Variants in SPAG16 observed in about 807,000 individuals in gnomAD.
SPAG16 encodes the protein sperm associated antigen 16.
Under a neutral mutation model 80.4 loss-of-function variants are expected in SPAG16, and 86 were observed. The observed-to-expected ratio is 1.07, with a 90% CI of 0.90 to 1.28. The LOEUF is 1.28. Ranked by LOEUF, SPAG16 falls within the 50% of genes most tolerant of loss-of-function variation. The pLI is 0.00. For synonymous variants in SPAG16, 294 were observed against 265.9 expected, an observed-to-expected ratio of 1.11 and a Z score of -1.03; for missense variants, 870 against 765.3, an observed-to-expected ratio of 1.14 and a Z score of -1.61.
At chr2:213,402,612 T>G (rs574776168) in intron 9 of SPAG16, among the ~76,000 whole-genome samples, 1 of 147,834 alleles carries the variant, frequency 6.8e-6, no homozygotes, top group East Asian at 2.2e-4. Context: ...GAGTGTGATG[T>G]TCTCCTTCCT....
intron 13 of SPAG16, among the ~76,000 whole-genome samples, chr2:214,053,837 T>A (rs1326737787): frequency 6.6e-6 from 1 of 152,182 alleles, no homozygotes; most frequent in East Asian, 1.9e-4. Context: ...TATTTTACAA[T>A]ATATACCTAA....
chr2:213,382,033 T>C (rs908316783), intron 9 of SPAG16, among the ~76,000 whole-genome samples: 1 of 152,070 alleles, frequency 6.6e-6, no homozygotes, highest in Non-Finnish European at 1.5e-5. Flanking sequence ...CAAACCTGTA[T>C]GGAAATCAGG....
chr2:214,135,546 T>C (rs2055001931), intron 14 of SPAG16, among the ~76,000 whole-genome samples: 1 of 152,028 alleles, frequency 6.6e-6, no homozygotes, highest in Non-Finnish European at 1.5e-5. Context: ...AGTGTAATGG[T>C]GTTGGAAGGT....
chr2:214,108,479 A>ACACACACACAC (rs71409874), intron 14 of SPAG16, among the ~76,000 whole-genome samples: 1 of 52,374 alleles, frequency 1.9e-5, no homozygotes, highest in African/African-American at 8.9e-5. Context: ...ACACACACAC[A>ACACACACACAC]CCCCCACACA....
intron 11 of SPAG16, 22 bp downstream of exon 11, chr2:213,862,650 A>G: frequency 6.2e-7 from 1 of 1,613,100 alleles, no homozygotes; most frequent in Non-Finnish European, 8.5e-7. Context: ...GGACCCCTAG[A>G]AATAGCCTAA....
At chr2:214,006,535 C>T (rs1394398983) in intron 12 of SPAG16, among the ~76,000 whole-genome samples, 5 of 151,966 alleles carry the variant, frequency 3.3e-5, no homozygotes, top group Non-Finnish European at 7.4e-5. Flanking sequence ...AAAACCAAGA[C>T]GTAAGTTAAG....
chr2:213,589,941 T>C (rs2060625964), intron 10 of SPAG16, among the ~76,000 whole-genome samples: 1 of 151,514 alleles, frequency 6.6e-6, no homozygotes, highest in South Asian at 2.1e-4. Context: ...AAAAAAATCC[T>C]TTGAACACTG....
At chr2:213,702,953 T>C (rs2065552281) in intron 10 of SPAG16, among the ~76,000 whole-genome samples, 1 of 152,206 alleles carries the variant, frequency 6.6e-6, no homozygotes, top group African/African-American at 2.4e-5. Context: ...CCACGCGCTC[T>C]ACCCTTCTAT....
At chr2:213,762,893 G>A (rs1218864876) in intron 10 of SPAG16, among the ~76,000 whole-genome samples, 2 of 151,896 alleles carry the variant, frequency 1.3e-5, no homozygotes. Flanking sequence ...ATCTTATAAG[G>A]GGTCAATCTT....
chr2:214,181,830 C>T (rs1173370022), intron 15 of SPAG16, among the ~76,000 whole-genome samples: 1 of 149,428 alleles, frequency 6.7e-6, no homozygotes, highest in Non-Finnish European at 1.5e-5. Flanking sequence ...TTGACCTAGT[C>T]AAAGTTGTGG....
At chr2:213,956,230 A>G (rs2106337447) in intron 12 of SPAG16, among the ~76,000 whole-genome samples, 1 of 152,092 alleles carries the variant, frequency 6.6e-6, no homozygotes, top group East Asian at 1.9e-4. Flanking sequence ...GGCTGTGATT[A>G]CAGGCATAAG....
chr2:213,531,292 C>G (rs1342981386), intron 10 of SPAG16, among the ~76,000 whole-genome samples: 3 of 151,812 alleles, frequency 2.0e-5, no homozygotes, highest in Non-Finnish European at 4.4e-5. Flanking sequence ...GCCTTAAAAT[C>G]TAGTGCATAA....
intron 10 of SPAG16, among the ~76,000 whole-genome samples, chr2:213,860,131 G>C (rs1172207098): frequency 6.6e-6 from 1 of 152,010 alleles, no homozygotes; most frequent in East Asian, 1.9e-4. Flanking sequence ...TTTGAACTGA[G>C]ATTTGGAACT....
intron 9 of SPAG16, among the ~76,000 whole-genome samples, chr2:213,432,347 A>G (rs2070356453): frequency 6.6e-6 from 1 of 152,122 alleles, no homozygotes; most frequent in Admixed American, 6.5e-5. Flanking sequence ...CACTAGCTAG[A>G]TTAACCAAGA....
chr2:213,359,542 G>T (rs2065859910), intron 7 of SPAG16, among the ~76,000 whole-genome samples: 1 of 152,232 alleles, frequency 6.6e-6, no homozygotes, highest in South Asian at 2.1e-4. Flanking sequence ...TACAGTGCTA[G>T]CAGTGAGCAA....
At chr2:213,371,594 C>T (rs548892485) in intron 8 of SPAG16, among the ~76,000 whole-genome samples, 5 of 152,016 alleles carry the variant, frequency 3.3e-5, no homozygotes, top group African/African-American at 4.8e-5. Flanking sequence ...CATTTATTTT[C>T]GGCAGAAGTT....
At chr2:214,178,620 C>G (rs1476187687) in intron 15 of SPAG16, among the ~76,000 whole-genome samples, 1 of 151,260 alleles carries the variant, frequency 6.6e-6, no homozygotes, top group East Asian at 1.9e-4. Flanking sequence ...GAGGCTGATT[C>G]ACATGCAGGA....
chr2:214,264,833 T>C (rs1236981407), intron 15 of SPAG16, among the ~76,000 whole-genome samples: 17 of 152,156 alleles, frequency 1.1e-4, no homozygotes, highest in Admixed American at 1.1e-3. Flanking sequence ...TTACTGTCTC[T>C]ATATTTTTGC....
chr2:213,670,275 C>T (rs556021294), intron 10 of SPAG16, among the ~76,000 whole-genome samples: 5 of 152,106 alleles, frequency 3.3e-5, no homozygotes, highest in African/African-American at 1.2e-4. Flanking sequence ...GGATTACAGG[C>T]GTGAGCCACC....
Sources: allele counts gnomAD v4.1 joint callset (sites outside exome capture counted in the v4.1 genomes callset), GRCh38; gene constraint gnomAD v4.1.1; transcripts MANE v1.5; gene names NCBI Gene and HGNC (gene_info 2026-07-23, HGNC 2026-07-21).